GLB1: variants seen among roughly 807,000 people sequenced by gnomAD.
The protein encoded by GLB1 is galactosidase beta 1, also known as beta-galactosidase.
A neutral mutation model predicts 74.0 loss-of-function variants in GLB1; 56 were observed. The observed-to-expected ratio is 0.76, with a 90% CI of 0.61 to 0.94. The LOEUF is 0.94. Ranked by LOEUF, GLB1 falls within the 40% of genes least tolerant of loss-of-function variation. The probability of loss-of-function intolerance (pLI) is 0.00; values close to 1 mark genes in which losing one functional copy is unlikely to be tolerated. For synonymous variants in GLB1, 323 were observed against 323.6 expected (o/e 1.00, Z 0.02); for missense variants, 787 against 845.5 (o/e 0.93, Z 0.86).
At position 33,018,285 on chromosome 3, in the gene GLB1, C is replaced by CAAAAAAAAAAAAAAAA. The variant is rs57833238; in HGVS notation, c.1347+147_1347+162dup. On this transcript the variant is annotated intron_variant, in intron 13 of 15. Transcript: ENST00000307363. ...TGGGCAACAGAGCAAAACCCTGTCT[C>CAAAAAAAAAAAAAAAA]AAAAAAAAAAAAAAAAAAAAAAAAA... Among the ~76,000 whole-genome samples the CAAAAAAAAAAAAAAAA allele has an allele frequency of 2.4e-4, 10 of 41,990 alleles. 1 individual carries two copies. The highest frequency in any genetic ancestry group is 3.8e-4 in the Admixed American group (1 of 2,624). 27.5% of individuals were successfully genotyped at this position (41,990 alleles called of 152,430 possible).
At chr3:32,963,708 A>G in the GLB1 span, among the ~76,000 whole-genome samples, 2 of 152,366 alleles carry the variant, frequency 1.3e-5, no homozygotes, top group African/African-American at 4.8e-5. Flanking sequence ...ACAAATGTCC[A>G]TAATATCTTA....
chr3:32,971,918 T>G, the GLB1 span, among the ~76,000 whole-genome samples: 1 of 152,140 alleles, frequency 6.6e-6, no homozygotes, highest in Non-Finnish European at 1.5e-5. Flanking sequence ...GCATGTGTGT[T>G]AAAAACAATC....
At chr3:32,973,375 C>T in the GLB1 span, among the ~76,000 whole-genome samples, 4 of 151,926 alleles carry the variant, frequency 2.6e-5, no homozygotes, top group Admixed American at 1.3e-4. Context: ...ACTTTGTTGC[C>T]CAGGCTGGTG....
At chr3:33,021,433 G>C in intron 12 of GLB1, 133 bp downstream of exon 12, 1 of 964,276 alleles carries the variant, frequency 1.0e-6, no homozygotes, top group South Asian at 1.4e-5. Flanking sequence ...GAAATTCATG[G>C]TTCATTTACC....
At position 33,059,244 on chromosome 3, in the gene GLB1, TACACACACACACACACACACACAC is replaced by T. The variant is rs55785242; in HGVS notation, c.553-999_553-976del. ...AATTATTCCTTATTTATATAAAACA[TACACACACACACACACACACACAC>T]ACACACACACACACACACACACAGA... On this transcript the variant is annotated intron_variant, in intron 5 of 15. Coordinates refer to ENST00000307363, the MANE Select transcript of GLB1 (RefSeq NM_000404.4). Among the ~76,000 whole-genome samples, 46 of 144,466 alleles carry T rather than the reference TACACACACACACACACACACACAC, an allele frequency of 3.2e-4. 1 individual carries two copies. The South Asian group carries it at 3.3e-3, about 10-fold the overall frequency. The allele number at this position is 144,466 out of a possible 152,430, so 94.8% of individuals were successfully genotyped here. A position where few individuals can be genotyped will look rare whatever the true frequency, so the allele number is the denominator to read the frequency against.
chr3:33,095,852 A>G (rs1381745598), intron 1 of GLB1, among the ~76,000 whole-genome samples: 1 of 152,148 alleles, frequency 6.6e-6, no homozygotes, highest in Non-Finnish European at 1.5e-5. Flanking sequence ...CTAAGGTCCT[A>G]CGGGCCTTCT....
At chr3:32,987,854 C>A in the GLB1 span, among the ~76,000 whole-genome samples, 1 of 151,966 alleles carries the variant, frequency 6.6e-6, no homozygotes, top group Non-Finnish European at 1.5e-5. Flanking sequence ...AGCATTTTTG[C>A]AGAGAATATT....
At chr3:32,967,703 T>C in the GLB1 span, among the ~76,000 whole-genome samples, 1 of 152,146 alleles carries the variant, frequency 6.6e-6, no homozygotes, top group African/African-American at 2.4e-5. Flanking sequence ...AGCTCGCCCA[T>C]GAATGGAGAC....
chr3:33,077,509 T>C, intron 1 of GLB1: 1 of 743,900 alleles, frequency 1.3e-6, no homozygotes, highest in Non-Finnish European at 2.0e-6. Context: ...ACCTCCCACT[T>C]CACTCCAGAA....
At chr3:33,064,825 G>T (rs115230859) in intron 5 of GLB1, among the ~76,000 whole-genome samples, 28 of 141,240 alleles carry the variant, frequency 2.0e-4, no homozygotes, top group African/African-American at 6.9e-4. Flanking sequence ...CTTGGTCAAT[G>T]TCCAATGAAC....
chr3:33,018,307 AAAAAAAAAAAAAAAAAAG>A, intron 13 of GLB1, 123 bp downstream of exon 13: 2 of 581,098 alleles, frequency 3.4e-6, no homozygotes, highest in Non-Finnish European at 5.7e-6. Context: ...AAAAAAAAAA[AAAAAAAAAAAAAAAAAAG>A]ATGATGGGTA....
At chr3:33,084,393 G>A (rs1189481484) in intron 1 of GLB1, among the ~76,000 whole-genome samples, 1 of 152,200 alleles carries the variant, frequency 6.6e-6, no homozygotes, top group East Asian at 1.9e-4. Flanking sequence ...ACATGTCATG[G>A]AAGCACCATT....
Position 33,090,419 on chromosome 3 carries a change from G to A in GLB1, c.75+6592C>T. 3.0e-6 allele frequency: 3 copies of A among 985,382 alleles called. No individual in the cohort carries two copies. In the South Asian group the frequency reaches 1.4e-4, roughly 46 times the overall value. The allele number at this position is 985,382 out of a possible 1,614,324, so 61.0% of individuals were successfully genotyped here. A position where few individuals can be genotyped will look rare whatever the true frequency, so the allele number is the denominator to read the frequency against. ...ACGAGGGGAAGAAAAGCATGGATGGGTATTTGGAAGGAATGGCAGCAGGAT... is the reference window on the plus strand; with the variant it reads ...ACGAGGGGAAGAAAAGCATGGATGGATATTTGGAAGGAATGGCAGCAGGAT... On this transcript the variant is annotated intron_variant, in intron 1 of 15. Coordinates refer to ENST00000307363, the MANE Select transcript of GLB1 (RefSeq NM_000404.4).
intron 10 of GLB1, among the ~76,000 whole-genome samples, chr3:33,040,802 T>C (rs933075900): frequency 1.3e-5 from 2 of 152,178 alleles, no homozygotes; most frequent in African/African-American, 2.4e-5. Context: ...ATCTCTAGTA[T>C]GTTTAAAGAA....
chr3:33,070,731 C>A (rs1444437953), intron 2 of GLB1, among the ~76,000 whole-genome samples: 1 of 152,138 alleles, frequency 6.6e-6, no homozygotes, highest in African/African-American at 2.4e-5. Flanking sequence ...TGCCTGTAAT[C>A]CCAACTACTC....
At chr3:33,053,047 G>A (rs1050512383) in intron 7 of GLB1, among the ~76,000 whole-genome samples, 2 of 152,166 alleles carry the variant, frequency 1.3e-5, no homozygotes, top group South Asian at 2.1e-4. Context: ...AGCCAAAGAC[G>A]GGAAGAACGG....
intron 4 of GLB1, among the ~76,000 whole-genome samples, chr3:33,065,842 C>T (rs1699651273): frequency 6.6e-6 from 1 of 152,024 alleles, no homozygotes; most frequent in African/African-American, 2.4e-5. Context: ...TGGCGCATGC[C>T]TGTAATCCCA....
intron 15 of GLB1, among the ~76,000 whole-genome samples, chr3:33,002,920 A>T (rs766418649): frequency 6.6e-6 from 1 of 152,174 alleles, no homozygotes; most frequent in Admixed American, 6.5e-5. Flanking sequence ...TGTGATGCTT[A>T]CCTGGGAGAA....
chr3:32,994,336 C>A (rs548006342), downstream of GLB1, among the ~76,000 whole-genome samples: 3 of 152,168 alleles, frequency 2.0e-5, no homozygotes, highest in African/African-American at 7.2e-5. Context: ...ATTGTGAGGC[C>A]GGGCACGGTG....
Sources: allele counts gnomAD v4.1 joint callset (sites outside exome capture counted in the v4.1 genomes callset), GRCh38; gene constraint gnomAD v4.1.1; transcripts MANE v1.5; gene names NCBI Gene and HGNC (gene_info 2026-07-23, HGNC 2026-07-21).